AP3B1: variants seen among roughly 807,000 people sequenced by gnomAD.
AP3B1 encodes the protein AP-3 complex subunit beta-1.
In AP3B1, 61 loss-of-function variants were observed where a neutral mutation model predicts 132.5. The ratio of observed to expected loss-of-function variants is 0.46; its 90% CI spans 0.37 to 0.57. AP3B1 has a LOEUF of 0.57. Among genes scored for constraint, AP3B1 ranks in the 20% least tolerant of loss-of-function variants. The pLI is 0.00. For synonymous variants in AP3B1, 388 were observed against 438.3 expected, an observed-to-expected ratio of 0.89 and a Z score of 1.43; for missense variants, 1,120 against 1,289.4, an observed-to-expected ratio of 0.87 and a Z score of 2.01.
intron 3 of AP3B1, among the ~76,000 whole-genome samples, chr5:78,230,773 TA>T (rs2112500441): frequency 6.6e-6 from 1 of 152,272 alleles, no homozygotes; most frequent in South Asian, 2.1e-4. Context: ...CATATAACAC[TA>T]TACTATTCAG....
intron 17 of AP3B1, among the ~76,000 whole-genome samples, chr5:78,127,413 T>C (rs566343656): frequency 4.6e-5 from 7 of 152,170 alleles, no homozygotes; most frequent in Non-Finnish European, 8.8e-5. Context: ...ACAGATAATA[T>C]TAGAAAAGAA....
At chr5:78,274,032 GAAAAA>G (rs57157997) in intron 1 of AP3B1, among the ~76,000 whole-genome samples, 3 of 91,556 alleles carry the variant, frequency 3.3e-5, no homozygotes, top group South Asian at 3.5e-4. Context: ...AGAAAAAAAG[GAAAAA>G]AAAAAAAAAA....
intron 9 of AP3B1, 31 bp from the exon 10 acceptor site, chr5:78,175,869 A>T: frequency 6.6e-7 from 1 of 1,513,410 alleles, no homozygotes; most frequent in Non-Finnish European, 9.2e-7. Context: ...TTTACTGGGT[A>T]TATGTTCCAA....
intron 7 of AP3B1, among the ~76,000 whole-genome samples, chr5:78,182,572 A>G (rs1005733362): frequency 6.6e-6 from 1 of 152,306 alleles, no homozygotes; most frequent in East Asian, 1.9e-4. Context: ...TTTTTATTTC[A>G]TATATCCACA....
At chr5:78,064,567 G>A (rs1162186917) in intron 22 of AP3B1, among the ~76,000 whole-genome samples, 2 of 152,174 alleles carry the variant, frequency 1.3e-5, no homozygotes, top group African/African-American at 4.8e-5. Flanking sequence ...TCTGATAGCT[G>A]CTAAAGATGT....
At chr5:78,106,636 T>C (rs1344509175) in intron 20 of AP3B1, among the ~76,000 whole-genome samples, 1 of 152,112 alleles carries the variant, frequency 6.6e-6, no homozygotes, top group African/African-American at 2.4e-5. Flanking sequence ...AAAGCATTGG[T>C]CAGAGGATGA....
At chr5:78,008,046 T>A (rs1746470727) in intron 26 of AP3B1, among the ~76,000 whole-genome samples, 1 of 152,164 alleles carries the variant, frequency 6.6e-6, no homozygotes, top group Non-Finnish European at 1.5e-5. Context: ...AAAAAATTAT[T>A]CCCCACACTA....
chr5:78,128,205 A>G, intron 16 of AP3B1, 45 bp from the exon 17 acceptor site: 2 of 1,475,888 alleles, frequency 1.4e-6, no homozygotes, highest in African/African-American at 1.4e-5. Context: ...TATGAGCTGT[A>G]TATAACAGAG....
intron 13 of AP3B1, among the ~76,000 whole-genome samples, chr5:78,157,900 G>A (rs756869925): frequency 1.0e-3 from 152 of 151,990 alleles, no homozygotes; most frequent in Middle Eastern, 6.8e-3. Context: ...ACAGGCGCGC[G>A]CCACCACGCC....
intron 8 of AP3B1, 45 bp downstream of exon 8, chr5:78,181,462 T>G: frequency 6.3e-7 from 1 of 1,587,420 alleles, no homozygotes; most frequent in Non-Finnish European, 8.6e-7. Context: ...TAATTGCTGT[T>G]TTTTAAAAAC....
At chr5:78,156,429 T>C in intron 13 of AP3B1, 62 bp from the exon 14 acceptor site, 1 of 1,171,904 alleles carries the variant, frequency 8.5e-7, no homozygotes, top group Non-Finnish European at 1.3e-6. Flanking sequence ...GCAATATGCT[T>C]CGTAAAATGT....
At chr5:78,168,018 A>AG (rs1171102186) in intron 11 of AP3B1, among the ~76,000 whole-genome samples, 38 of 151,384 alleles carry the variant, frequency 2.5e-4, no homozygotes, top group African/African-American at 9.0e-4. Flanking sequence ...CTACTGAAAA[A>AG]AAAAAAAAAA....
intron 1 of AP3B1, among the ~76,000 whole-genome samples, chr5:78,292,517 T>C (rs56175514): frequency 0.23 from 34,427 of 152,112 alleles, 4,093 homozygotes; most frequent in Admixed American, 0.28. Context: ...TGAGTTCAAA[T>C]TCAGGCAGTG....
chr5:78,033,054 T>C (rs985426215), intron 24 of AP3B1, among the ~76,000 whole-genome samples: 1 of 152,136 alleles, frequency 6.6e-6, no homozygotes, highest in African/African-American at 2.4e-5. Context: ...AAAGGTTCTT[T>C]ATACAAATTG....
At chr5:78,280,798 G>A (rs765511707) in intron 1 of AP3B1, among the ~76,000 whole-genome samples, 5 of 152,250 alleles carry the variant, frequency 3.3e-5, no homozygotes, top group Non-Finnish European at 7.4e-5. Context: ...GTCTGCCTTT[G>A]TCCCTGATGC....
intron 24 of AP3B1, among the ~76,000 whole-genome samples, chr5:78,022,664 C>A (rs917366955): frequency 6.6e-6 from 1 of 152,012 alleles, no homozygotes; most frequent in African/African-American, 2.4e-5. Context: ...TGGGAAACTA[C>A]TAGAGATTTT....
chr5:78,128,136 G>C lies in AP3B1; in HGVS notation c.1862C>G (p.Thr621Ser), dbSNP rs796196281. 10 of 1,610,052 alleles carry C rather than the reference G, an allele frequency of 6.2e-6. No individual in the cohort carries two copies. The African/African-American group carries it at 1.3e-4, about 22-fold the overall frequency. The change falls in exon 17 of 27, where the codon ACC becomes AGC. Residue 621 changes from threonine (T) to serine (S), a missense_variant. By Grantham distance (58) the Thr-to-Ser change is moderately conservative. Transcript: ENST00000255194. The part of the protein sequence containing the change: ...FKDRDHFQLG[T>S]LSHTLNIKAT... ...TTTAATGTTGAGAGTATGAGATAAG[G>C]TGCCAAGCTGGAAATGATCTCTATC...
chr5:78,280,798 G>C (rs765511707), intron 1 of AP3B1, among the ~76,000 whole-genome samples: 8 of 152,132 alleles, frequency 5.3e-5, no homozygotes, highest in Non-Finnish European at 1.2e-4. Flanking sequence ...GTCTGCCTTT[G>C]TCCCTGATGC....
At chr5:78,036,476 A>C (rs1747814083) in intron 23 of AP3B1, among the ~76,000 whole-genome samples, 1 of 152,158 alleles carries the variant, frequency 6.6e-6, no homozygotes, top group African/African-American at 2.4e-5. Flanking sequence ...ATTTACTTTG[A>C]TGTAACAGTT....
Sources: gnomAD v4.1 joint callset for allele counts (sites outside exome capture counted in the v4.1 genomes callset) on GRCh38, gnomAD v4.1.1 for gene constraint, MANE v1.5 for transcripts, NCBI Gene and HGNC (gene_info 2026-07-23, HGNC 2026-07-21) for gene names.